The following NPC1L1 variants were observed in gnomAD, a reference collection of about 807,000 sequenced individuals.
The protein encoded by NPC1L1 is NPC1-like intracellular cholesterol transporter 1.
In NPC1L1, 98 loss-of-function variants were observed where a neutral mutation model predicts 117.0. That is an observed-to-expected ratio of 0.84 (90% CI 0.71 to 0.99). NPC1L1 has a LOEUF of 0.99. Ranked by LOEUF, NPC1L1 falls within the 50% of genes least tolerant of loss-of-function variation. The pLI is 0.00. For synonymous variants in NPC1L1, 729 were observed against 727.6 expected (o/e 1.00, Z -0.03); for missense variants, 1,540 against 1,710.0 (o/e 0.90, Z 1.75).
At chr7:44,516,653 C>A in intron 16 of NPC1L1, 50 bp downstream of exon 16, 1 of 1,424,366 alleles carries the variant, frequency 7.0e-7, no homozygotes, top group South Asian at 1.2e-5. Flanking sequence ...GAGGCTGGAT[C>A]CCCAACCACC....
intron 10 of NPC1L1, among the ~76,000 whole-genome samples, chr7:44,523,824 A>G (rs1801431875): frequency 6.6e-6 from 1 of 152,330 alleles, no homozygotes; most frequent in South Asian, 2.1e-4. Context: ...CTATGATTGC[A>G]CCACTGCACT....
Position 44,513,668 on chromosome 7 carries a change from C to A in NPC1L1, c.3797-19G>T, listed in dbSNP as rs1585123799. ...TCAGGCCCTGCGGAGAGACAGAGAA[C>A]CACAGTCAGAGAGGTGGGCAGGGGA... On this transcript the variant is annotated intron_variant, in intron 18 of 18. Transcript: ENST00000381160. 1.2e-6 allele frequency: 2 copies of A among 1,610,498 alleles called. No individual in the cohort carries two copies. Among genetic ancestry groups the A allele is most frequent in the East Asian group, 4.5e-5 (2 of 44,882 alleles).
chr7:44,520,852 G>A (rs1384910320), intron 13 of NPC1L1, 32 bp from the exon 14 acceptor site: 4 of 1,613,712 alleles, frequency 2.5e-6, no homozygotes, highest in African/African-American at 1.3e-5. Flanking sequence ...GGCTTAGCCA[G>A]GGACGAAGCT....
chr7:44,536,398 ATCAG>A lies in NPC1L1; in HGVS notation c.1708_1711del (p.Leu570SerfsTer2). 1 of 1,613,872 alleles carries A rather than the reference ATCAG, an allele frequency of 6.2e-7. No homozygotes were observed. The highest frequency in any genetic ancestry group is 8.5e-7 in the Non-Finnish European group (1 of 1,180,018). On this transcript the variant is annotated frameshift_variant, in exon 4 of 19. Coordinates refer to ENST00000381160, the MANE Select transcript of NPC1L1 (RefSeq NM_001101648.2). LOFTEE classifies it high-confidence loss of function. This position sits in a 1 kb window ranked among gnomAD's most constrained non-coding sequence, Gnocchi z 4.7. ...GTAATTGTTGAGGGAGAACGTCATG[ATCAG>A]GGCCTCTGCCTCAGAATAGTCCTTT...
chr7:44,521,741 T>G lies in NPC1L1; in HGVS notation c.2924A>C (p.Asn975Thr). The change falls in exon 12 of 19, where the codon AAT becomes ACT. Residue 975 changes from asparagine to threonine, a missense_variant. Asn to Thr is a moderately conservative substitution (Grantham distance 65). Transcript: ENST00000381160. The stretch of plus-strand genomic sequence containing the variant: ...GGTCGAGGGGCAGAACTTGTCCTTA[T>G]TGGGGCCAGATATATAAAGGCGGCA... Reference protein sequence around the residue: ...SCCRLYISGPNKDKFCPSTVN... With the variant: ...SCCRLYISGPTKDKFCPSTVN... The G allele has an allele frequency of 6.2e-7, 1 of 1,614,078 alleles. No homozygotes were observed. The highest frequency in any genetic ancestry group is 8.5e-7 in the Non-Finnish European group (1 of 1,180,006).
chr7:44,522,326 C>G, intron 10 of NPC1L1, 84 bp from the exon 11 acceptor site: 2 of 1,297,740 alleles, frequency 1.5e-6, no homozygotes, highest in Non-Finnish European at 2.2e-6. Flanking sequence ...CTCGAAGGTA[C>G]ACACAGAGGT....
At position 44,534,568 on chromosome 7, in the gene NPC1L1, GC is replaced by G. The variant is rs778523097; in HGVS notation, c.2044del (p.Ala682LeufsTer59). On this transcript the variant is annotated frameshift_variant, in exon 6 of 19. Transcript: ENST00000381160. LOFTEE classifies it high-confidence loss of function. The surrounding 1 kb of genome is among the most constrained non-coding windows in gnomAD (Gnocchi z 5.2). ...GVAVVLGAVMAAMGFFSYLGI... is the reference protein window; with the variant it reads ...GVAVVLGAVMXAMGFFSYLGI... The stretch of plus-strand genomic sequence containing the variant: ...CAAGTAGGAGAAGAAGCCCATGGCA[GC>G]CATGACTGCTCCCAGGACCACGGCC... 6.2e-7 allele frequency: 1 copy of G among 1,614,170 alleles called. No homozygotes were observed. Among genetic ancestry groups the G allele is most frequent in the East Asian group, 2.2e-5 (1 of 44,880 alleles).
At chr7:44,537,582 G>A (rs889634723) in intron 2 of NPC1L1, among the ~76,000 whole-genome samples, 2 of 152,200 alleles carry the variant, frequency 1.3e-5, no homozygotes, top group African/African-American at 4.8e-5. Flanking sequence ...AAGATGCAGT[G>A]GGACACCTGA....
chr7:44,524,967 T>TCAAA (rs1801465409), intron 10 of NPC1L1, among the ~76,000 whole-genome samples: 2 of 151,832 alleles, frequency 1.3e-5, no homozygotes, highest in Non-Finnish European at 2.9e-5. Context: ...AAGAAAGAAT[T>TCAAA]AGCAAACTGA....
rs217422 is a variant in NPC1L1, at chr7:44,520,707, C to T, written c.3136+58G>A. ...GTGACAGGCTGTTCCCTGGGGTTTT[C>T]GGGGGCCCTCCAGAGCAACCGATTT... On this transcript the variant is annotated intron_variant, in intron 14 of 18. Coordinates refer to ENST00000381160, the MANE Select transcript of NPC1L1 (RefSeq NM_001101648.2). 965 of 1,469,838 alleles carry T rather than the reference C, an allele frequency of 6.6e-4. 6 individuals carry two copies. In the African/African-American group the frequency reaches 0.011, roughly 17 times the overall value. 91.0% of individuals were successfully genotyped at this position (1,469,838 alleles called of 1,614,324 possible). A position where few individuals can be genotyped will look rare whatever the true frequency, so the allele number is the denominator to read the frequency against.
Position 44,534,699 on chromosome 7 carries a change from G to T in NPC1L1, c.1984-70C>A. ...CCAGTATGCCCACCAGCCTCAGCTA[G>T]GCCAGACAAAGTAGCCGGCAGGCAC... On this transcript the variant is annotated intron_variant, in intron 5 of 18. Coordinates refer to ENST00000381160, the MANE Select transcript of NPC1L1 (RefSeq NM_001101648.2). The surrounding 1 kb of genome is among the most constrained non-coding windows in gnomAD (Gnocchi z 5.2). 6.4e-7 allele frequency: 1 copy of T among 1,570,342 alleles called. No homozygotes were observed. Among genetic ancestry groups the T allele is most frequent in the Non-Finnish European group, 8.7e-7 (1 of 1,147,334 alleles).
intron 13 of NPC1L1, 42 bp from the exon 14 acceptor site, chr7:44,520,862 TTC>T (rs1001182807): frequency 1.5e-5 from 24 of 1,613,260 alleles, no homozygotes; most frequent in Non-Finnish European, 2.0e-5. Flanking sequence ...GGGACGAAGC[TTC>T]TTTCATCTGC....
At chr7:44,537,056 G>T (rs941417588) in intron 2 of NPC1L1, 114 bp from the exon 3 acceptor site, 33 of 807,160 alleles carry the variant, frequency 4.1e-5, no homozygotes, top group Middle Eastern at 3.7e-4. Flanking sequence ...GTGAGCTGGT[G>T]GGGTGGGGGA....
chr7:44,515,675 T>C (rs1265835847), intron 18 of NPC1L1, 128 bp downstream of exon 18: 9 of 1,111,106 alleles, frequency 8.1e-6, no homozygotes, highest in African/African-American at 1.5e-5. Context: ...CACATGGTCA[T>C]AGTCCTGGCT....
intron 10 of NPC1L1, among the ~76,000 whole-genome samples, chr7:44,522,712 A>G (rs1343485317): frequency 5.9e-5 from 9 of 152,022 alleles, no homozygotes; most frequent in Non-Finnish European, 1.2e-4. Flanking sequence ...TGCAAACAGA[A>G]GTACACTTAT....
chr7:44,513,905 C>T (rs1255063893), intron 18 of NPC1L1, among the ~76,000 whole-genome samples: 1 of 152,156 alleles, frequency 6.6e-6, no homozygotes, highest in African/African-American at 2.4e-5. Context: ...TTTGTCCAAG[C>T]ACACCCCACG....
chr7:44,536,731 G>T lies in NPC1L1; in HGVS notation c.1681+111C>A, dbSNP rs1015515328. On this transcript the variant is annotated intron_variant, in intron 3 of 18. Coordinates refer to ENST00000381160, the MANE Select transcript of NPC1L1 (RefSeq NM_001101648.2). The surrounding 1 kb of genome is among the most constrained non-coding windows in gnomAD (Gnocchi z 4.7). Reference sequence around the variant, plus strand: ...GTTGGCCTACAGCTTCCAGAAGCCAGGCTACCCCCAGGCCGCGAGAATCCC... The same window carrying T: ...GTTGGCCTACAGCTTCCAGAAGCCATGCTACCCCCAGGCCGCGAGAATCCC... 4.1e-6 allele frequency: 4 copies of T among 973,678 alleles called. No individual in the cohort carries two copies. The African/African-American group carries it at 6.4e-5, about 16-fold the overall frequency. The allele number at this position is 973,678 out of a possible 1,614,324, so 60.3% of individuals were successfully genotyped here.
rs567181390 is a variant in NPC1L1 at position 44,533,488 on chromosome 7, G to A, written c.2352C>T (p.Phe784=). The change falls in exon 8 of 19, where the codon TTC becomes TTT. Residue 784 remains phenylalanine (F), a synonymous_variant. Transcript: ENST00000381160. The part of the protein sequence containing the change: ...LTSGLAVILD[F]LLQMSAFVAL... ...CCACAAAGGCTGACATCTGCAGGAGGAAGTCAAGGATCACTGCAAGGCCAG... is the reference window on the plus strand; with the variant it reads ...CCACAAAGGCTGACATCTGCAGGAGAAAGTCAAGGATCACTGCAAGGCCAG... 2 of 1,614,174 alleles carry A rather than the reference G, an allele frequency of 1.2e-6. No individual in the cohort carries two copies. The highest frequency in any genetic ancestry group is 2.7e-5 in the African/African-American group (2 of 75,064).
rs781552078 is a variant in NPC1L1 at position 44,515,930 on chromosome 7, G to A, written c.3669C>T (p.Gly1223=). ...CCTTGGCGAGGCCCAGGACAAGGAT[G>A]CCAGGCAGGTTGGTCATGGCCACAC... ...FAGVAMTNLP[G]ILVLGLAKAQ... is the part of the protein sequence containing the mutation. Residue 1223 remains glycine, a synonymous_variant, in exon 18 of 19, where the codon GGC becomes GGT. Transcript: ENST00000381160. 1 of 1,614,126 alleles carries A rather than the reference G, an allele frequency of 6.2e-7. No homozygotes were observed. Among genetic ancestry groups the A allele is most frequent in the Non-Finnish European group, 8.5e-7 (1 of 1,180,020 alleles).
Sources: allele counts gnomAD v4.1 joint callset (sites outside exome capture counted in the v4.1 genomes callset), GRCh38; gene constraint gnomAD v4.1.1; non-coding constraint Gnocchi (gnomAD v3.1); transcripts MANE v1.5; gene names NCBI Gene and HGNC (gene_info 2026-07-23, HGNC 2026-07-21).